ZXDC: variants seen among roughly 807,000 people sequenced by gnomAD.
The protein encoded by ZXDC is ZXD family zinc finger C.
Under a neutral mutation model 63.6 loss-of-function variants are expected in ZXDC, and 58 were observed. The ratio of observed to expected loss-of-function variants is 0.91; its 90% CI spans 0.74 to 1.13. The LOEUF (loss-of-function observed/expected upper bound fraction) is 1.13. Among genes scored for constraint, ZXDC ranks in the 50% most tolerant of loss-of-function variants. The probability of loss-of-function intolerance (pLI) is 0.00; values close to 1 mark genes in which losing one functional copy is unlikely to be tolerated. For missense variants in ZXDC, 1,133 were observed against 1,148.9 expected, an observed-to-expected ratio of 0.99 and a Z score of 0.20; for synonymous variants, 561 against 496.1, an observed-to-expected ratio of 1.13 and a Z score of -1.74.
At chr3:126,461,423 T>C in intron 6 of ZXDC, 112 bp downstream of exon 6, 1 of 1,446,716 alleles carries the variant, frequency 6.9e-7, no homozygotes, top group Non-Finnish European at 9.1e-7. Context: ...CAGGGCTGCG[T>C]CCTTTTGTAA....
rs891434591 is a variant in ZXDC at position 126,439,717 on chromosome 3, G to C, written c.2405C>G (p.Ser802Cys). ...GGCCGAGGGCAGGACACCTTCGCCG[G>C]AGGGGTCATCCTGGGAAGGCAACAC... Reference protein sequence around the residue: ...VQVQLVQDDPSGEGVLPSARG... With the variant: ...VQVQLVQDDPCGEGVLPSARG... Residue 802 changes from serine to cysteine, a missense_variant, in exon 9 of 10, where the codon TCC (serine) becomes TGC (cysteine). Transcript: ENST00000389709. 5.8e-6 allele frequency: 9 copies of C among 1,551,340 alleles called. No homozygotes were observed. Among genetic ancestry groups the C allele is most frequent in the Non-Finnish European group, 7.0e-6 (8 of 1,147,078 alleles).
chr3:126,452,908 A>C (rs1934160820), intron 7 of ZXDC: 1 of 542,242 alleles, frequency 1.8e-6, no homozygotes, highest in South Asian at 8.0e-5. Context: ...GTGGCTAATT[A>C]TTATTTTTTT....
intron 7 of ZXDC, among the ~76,000 whole-genome samples, chr3:126,446,079 CA>C (rs1239130427): frequency 6.6e-6 from 1 of 152,168 alleles, no homozygotes; most frequent in Non-Finnish European, 1.5e-5. Flanking sequence ...CAAGAAAAAT[CA>C]AATTCCTCTC....
intron 8 of ZXDC, chr3:126,441,548 T>C (rs984632861): frequency 9.9e-6 from 13 of 1,314,258 alleles, no homozygotes; most frequent in Non-Finnish European, 1.3e-5. Context: ...CCAGCAACAC[T>C]CAGAGCTTGA....
intron 8 of ZXDC, 53 bp downstream of exon 8, chr3:126,441,712 C>T (rs1299417612): frequency 5.9e-6 from 9 of 1,515,190 alleles, no homozygotes; most frequent in Non-Finnish European, 7.9e-6. Context: ...CTCAGACCTG[C>T]GTGACCCTCC....
Position 126,475,022 on chromosome 3 carries a change from TGGCGTGCGTGGGGAAGCGCTC to T in ZXDC, c.823_843del (p.Glu275_Ala281del). On this transcript the variant is annotated inframe_deletion, in exon 1 of 10. Transcript: ENST00000389709. ...TGGCTGCGCTGGTGGGAGCTGAGCTTGGCGTGCGTGGGGAAGCGCTCGGCGCACACCTCGCACTTGAACAGG... is the reference window on the plus strand; with the variant it reads ...TGGCTGCGCTGGTGGGAGCTGAGCTTGGCGCACACCTCGCACTTGAACAGG... 6.3e-7 allele frequency: 1 copy of T among 1,598,272 alleles called. No individual in the cohort carries two copies. Among genetic ancestry groups the T allele is most frequent in the Non-Finnish European group, 8.5e-7 (1 of 1,173,070 alleles).
At chr3:126,450,913 C>T (rs536740867) in intron 7 of ZXDC, among the ~76,000 whole-genome samples, 2 of 152,310 alleles carry the variant, frequency 1.3e-5, no homozygotes, top group Admixed American at 6.5e-5. Flanking sequence ...CAAGCCAGGG[C>T]GACACCAGGC....
chr3:126,470,458 T>C (rs1447490647), intron 4 of ZXDC, among the ~76,000 whole-genome samples: 1 of 152,200 alleles, frequency 6.6e-6, no homozygotes, highest in Admixed American at 6.5e-5. Flanking sequence ...AGAGCAAGAC[T>C]GTCTCAAAAA....
Position 126,441,867 on chromosome 3 carries a change from C to T in ZXDC, c.2292G>A (p.Trp764Ter). 1 of 1,613,996 alleles carries T rather than the reference C, an allele frequency of 6.2e-7. No homozygotes were observed. The highest frequency in any genetic ancestry group is 8.5e-7 in the Non-Finnish European group (1 of 1,179,942). The change falls in exon 8 of 10, where the codon TGG becomes TGA. Residue 764 changes from tryptophan to a stop codon, truncating the protein, a stop_gained. Transcript: ENST00000389709. LOFTEE classifies it high-confidence loss of function. ...PPHFHASQNS[W>*]LCGSLVVPSG... is the part of the protein sequence containing the mutation. ...TGGGCACCACGAGGCTCCCACACAACCAACTGTTCTGGCTTGCATGGAAAT... is the reference window on the plus strand; with the variant it reads ...TGGGCACCACGAGGCTCCCACACAATCAACTGTTCTGGCTTGCATGGAAAT...
At chr3:126,466,466 T>G in intron 4 of ZXDC, 141 bp from the exon 5 acceptor site, 69 of 843,282 alleles carry the variant, frequency 8.2e-5, no homozygotes, top group Non-Finnish European at 1.2e-4. Flanking sequence ...CAAATATCTC[T>G]AGAAGTAGCA....
chr3:126,466,302 G>A lies in ZXDC; in HGVS notation c.1294C>T (p.Arg432Cys), dbSNP rs1162052066. ...TTAGAGTGAATGTACAGACTGCTACGAGCGGAGAACCTCGCGCAACATCCT... is the reference window on the plus strand; with the variant it reads ...TTAGAGTGAATGTACAGACTGCTACAAGCGGAGAACCTCGCGCAACATCCT... Reference protein sequence around the residue: ...VEGCCARFSARSSLYIHSKKH... With the variant: ...VEGCCARFSACSSLYIHSKKH... Residue 432 changes from arginine (R) to cysteine (C), a missense_variant, in exon 5 of 10, where the codon CGT becomes TGT. Transcript: ENST00000389709. The A allele has an allele frequency of 3.7e-6, 6 of 1,614,178 alleles. No individual in the cohort carries two copies. The highest frequency in any genetic ancestry group is 2.5e-6 in the Non-Finnish European group (3 of 1,180,044).
At chr3:126,460,162 T>C (rs542013759) in intron 6 of ZXDC, 161 of 983,102 alleles carry the variant, frequency 1.6e-4, no homozygotes, top group Non-Finnish European at 1.8e-4. Context: ...AGAGACCCAC[T>C]GTACAGGCTG....
rs368937580 is a variant in ZXDC, at chr3:126,450,585, C to T, written c.2213-8639G>A. ...AGAACGAGGAATAAATGGGGGTGCA[C>T]CTCCGGACTGACCGCCCCTGCTGAC... On this transcript the variant is annotated intron_variant, in intron 7 of 9. Transcript: ENST00000389709. 14 of 455,128 alleles carry T rather than the reference C, an allele frequency of 3.1e-5. No homozygotes were observed. In the East Asian group the frequency reaches 7.7e-4, roughly 25 times the overall value. The allele number at this position is 455,128 out of a possible 1,614,324, so 28.2% of individuals were successfully genotyped here.
intron 4 of ZXDC, among the ~76,000 whole-genome samples, 192 bp downstream of exon 4, chr3:126,470,703 T>C (rs1281581639): frequency 6.6e-6 from 1 of 152,202 alleles, no homozygotes; most frequent in Non-Finnish European, 1.5e-5. Context: ...TGAGTCAAAC[T>C]GCGTCTGATT....
At chr3:126,445,832 G>A (rs919103879) in intron 7 of ZXDC, among the ~76,000 whole-genome samples, 15 of 152,124 alleles carry the variant, frequency 9.9e-5, no homozygotes, top group Non-Finnish European at 2.9e-5. Flanking sequence ...ATCCCTGACG[G>A]TACACCCTGA....
intron 7 of ZXDC, among the ~76,000 whole-genome samples, chr3:126,448,871 C>A (rs1340672030): frequency 6.6e-6 from 1 of 152,354 alleles, no homozygotes; most frequent in East Asian, 1.9e-4. Context: ...TGGCTGGAAG[C>A]GCTGAGAGGA....
intron 7 of ZXDC, chr3:126,454,068 T>A (rs866078557): frequency 5.4e-5 from 43 of 803,724 alleles, no homozygotes; most frequent in Non-Finnish European, 5.9e-5. Flanking sequence ...ATATATATTT[T>A]TTTTTTTGGT....
chr3:126,468,666 ATCCCCATC>A (rs1481711384), intron 4 of ZXDC, among the ~76,000 whole-genome samples: 1 of 152,014 alleles, frequency 6.6e-6, no homozygotes, highest in Non-Finnish European at 1.5e-5. Context: ...AGCACAAACC[ATCCCCATC>A]TCCCACTCAG....
rs932002048 is a variant in ZXDC, at chr3:126,448,907, C to T, written c.2213-6961G>A. Among the ~76,000 whole-genome samples the T allele has an allele frequency of 2.6e-5, 4 of 152,346 alleles. No homozygotes were observed. The East Asian group carries it at 5.8e-4, about 22-fold the overall frequency. On this transcript the variant is annotated intron_variant, in intron 7 of 9. Transcript: ENST00000389709. ...GCCTGGGTCAGTGTCTCCAAGAATG[C>T]GAGTCAGACAGCAACGGCCAGCATC...
Sources: allele counts gnomAD v4.1 joint callset (sites outside exome capture counted in the v4.1 genomes callset), GRCh38; gene constraint gnomAD v4.1.1; transcripts MANE v1.5; gene names NCBI Gene and HGNC (gene_info 2026-07-23, HGNC 2026-07-21).